RBFOX2: variants seen among roughly 807,000 people sequenced by gnomAD.
RBFOX2 encodes the protein RNA binding protein fox-1 homolog 2.
Under a neutral mutation model 49.1 loss-of-function variants are expected in RBFOX2, and 10 were observed. The observed-to-expected ratio is 0.20, with a 90% CI of 0.13 to 0.35. The LOEUF (loss-of-function observed/expected upper bound fraction) is 0.35. RBFOX2 is among the 10% of genes least tolerant of loss of function. The pLI is 1.00. For missense variants in RBFOX2, 323 were observed against 486.9 expected (o/e 0.66, Z 3.17); for synonymous variants, 183 against 187.4 (o/e 0.98, Z 0.19).
intron 1 of RBFOX2, among the ~76,000 whole-genome samples, chr22:36,025,648 TA>T (rs929279738): frequency 2.0e-5 from 3 of 152,062 alleles, no homozygotes; most frequent in Non-Finnish European, 2.9e-5. Context: ...CACGCTTCTT[TA>T]AAAAAAACTT....
At chr22:35,801,221 AT>A (rs1186647503) in intron 2 of RBFOX2, among the ~76,000 whole-genome samples, 2 of 152,196 alleles carry the variant, frequency 1.3e-5, no homozygotes, top group African/African-American at 4.8e-5. Flanking sequence ...AAATCTGTAA[AT>A]AACAACGCTT....
chr22:35,765,313 A>T, intron 6 of RBFOX2, 110 bp downstream of exon 7: 1 of 788,634 alleles, frequency 1.3e-6, no homozygotes, highest in East Asian at 3.0e-5. Flanking sequence ...GACTACTTCA[A>T]CACAAATCAA....
chr22:35,942,861 A>G (rs548066195), upstream of RBFOX2, among the ~76,000 whole-genome samples: 1 of 152,336 alleles, frequency 6.6e-6, no homozygotes, highest in South Asian at 2.1e-4. Flanking sequence ...CAAATTTTAC[A>G]TTGTGTAAAA....
At chr22:35,899,979 A>G (rs2048370334) in intron 1 of RBFOX2, among the ~76,000 whole-genome samples, 1 of 152,212 alleles carries the variant, frequency 6.6e-6, no homozygotes, top group Non-Finnish European at 1.5e-5. Flanking sequence ...GGGTATTGCC[A>G]ATAATTCTAA....
intron 1 of RBFOX2, among the ~76,000 whole-genome samples, chr22:35,894,575 T>G (rs919038570): frequency 2.6e-5 from 4 of 152,088 alleles, no homozygotes; most frequent in Admixed American, 1.3e-4. Context: ...CAGGGGATGG[T>G]ACTGCGCAGG....
intron 1 of RBFOX2, among the ~76,000 whole-genome samples, chr22:35,850,652 T>C (rs996234005): frequency 2.0e-5 from 3 of 152,118 alleles, no homozygotes; most frequent in Admixed American, 6.5e-5. Flanking sequence ...TATATACAAA[T>C]ACACATGTGC....
chr22:35,870,846 A>T (rs1303816287), intron 1 of RBFOX2, among the ~76,000 whole-genome samples: 1 of 152,188 alleles, frequency 6.6e-6, no homozygotes. Context: ...GTCCATTGAG[A>T]AACATGACTA....
chr22:35,788,509 T>C (rs1212742110), intron 2 of RBFOX2, among the ~76,000 whole-genome samples: 1 of 152,224 alleles, frequency 6.6e-6, no homozygotes, highest in Admixed American at 6.5e-5. Context: ...GAGAATCTGA[T>C]TCATGGCTGA....
chr22:35,801,479 C>A (rs1015753079), intron 2 of RBFOX2, among the ~76,000 whole-genome samples: 5 of 151,562 alleles, frequency 3.3e-5, no homozygotes, highest in Non-Finnish European at 7.4e-5. Flanking sequence ...CCTCCCCCCG[C>A]CAAAAGTAAA....
chr22:36,026,063 G>A (rs897510808), intron 1 of RBFOX2, among the ~76,000 whole-genome samples: 4 of 152,036 alleles, frequency 2.6e-5, no homozygotes, highest in Non-Finnish European at 4.4e-5. Flanking sequence ...TCAGGAGTTC[G>A]AGACCAGCCT....
At position 35,759,727 on chromosome 22, in the gene RBFOX2, T is replaced by C. The variant is rs1938072368; in HGVS notation, c.887+161A>G. Among the ~76,000 whole-genome samples the C allele has an allele frequency of 6.6e-6, 1 of 152,170 alleles. No individual in the cohort carries two copies. Among genetic ancestry groups the C allele is most frequent in the Admixed American group, 6.5e-5 (1 of 15,282 alleles). On this transcript the variant is annotated intron_variant, in intron 9 of 11. Transcript: ENST00000405409. The surrounding 1 kb of genome is among the most constrained non-coding windows in gnomAD (Gnocchi z 4.6). ...AGTTTGTCACATTCTGATGATGGTA[T>C]ATTTTGTTTTTTGTCATCTAATCTG... is the stretch of plus-strand genomic sequence containing the variant.
intron 1 of RBFOX2, among the ~76,000 whole-genome samples, chr22:35,947,908 A>G (rs930727579): frequency 6.6e-6 from 1 of 152,196 alleles, no homozygotes; most frequent in African/African-American, 2.4e-5. Flanking sequence ...AATTTAGCGT[A>G]GCCTAAGTGT....
intron 11 of RBFOX2, among the ~76,000 whole-genome samples, chr22:35,745,415 A>G (rs941273409): frequency 1.3e-5 from 2 of 152,244 alleles, no homozygotes; most frequent in African/African-American, 4.8e-5. Context: ...ATTGTTATCA[A>G]TAATCAATAA....
chr22:35,977,613 T>C (rs1432176423), intron 1 of RBFOX2, among the ~76,000 whole-genome samples: 1 of 151,474 alleles, frequency 6.6e-6, no homozygotes, highest in East Asian at 1.9e-4. Context: ...ACGCATTTTA[T>C]ATCTTGATTG....
chr22:35,920,210 TGTG>T (rs1276576970), intron 1 of RBFOX2, among the ~76,000 whole-genome samples: 10 of 152,228 alleles, frequency 6.6e-5, no homozygotes, highest in Admixed American at 1.3e-4. Context: ...TCTAATTGCA[TGTG>T]GTTATTATAA....
intron 2 of RBFOX2, among the ~76,000 whole-genome samples, chr22:35,789,038 G>C (rs1453402399): frequency 6.6e-6 from 1 of 151,750 alleles, no homozygotes; most frequent in South Asian, 2.1e-4. Flanking sequence ...AAACCTTTGC[G>C]GCCAAATGCT....
intron 1 of RBFOX2, among the ~76,000 whole-genome samples, 192 bp from the exon 3 acceptor site, chr22:35,810,196 C>G (rs1364689017): frequency 7.9e-6 from 1 of 127,240 alleles, no homozygotes; most frequent in Admixed American, 7.3e-5. Context: ...CAGACACACA[C>G]ACACACACAC....
chr22:35,959,035 G>C (rs1197100209), intron 1 of RBFOX2, among the ~76,000 whole-genome samples: 2 of 152,046 alleles, frequency 1.3e-5, no homozygotes, highest in Non-Finnish European at 2.9e-5. Context: ...TGGGAGAAGG[G>C]CAAGAAGAGC....
intron 5 of RBFOX2, among the ~76,000 whole-genome samples, 155 bp from the exon 7 acceptor site, chr22:35,765,638 A>G (rs1308830216): frequency 6.6e-6 from 1 of 152,100 alleles, no homozygotes; most frequent in Non-Finnish European, 1.5e-5. Flanking sequence ...ATATTAATAT[A>G]TAGTATTTTA....
Sources: allele counts gnomAD v4.1 joint callset (sites outside exome capture counted in the v4.1 genomes callset), GRCh38; gene constraint gnomAD v4.1.1; non-coding constraint Gnocchi (gnomAD v3.1); transcripts MANE v1.5; gene names NCBI Gene and HGNC (gene_info 2026-07-23, HGNC 2026-07-21).